Variants in NHSL2 observed in about 807,000 individuals in gnomAD.
The protein encoded by NHSL2 is NHS like 2.
A neutral mutation model predicts 53.4 loss-of-function variants in NHSL2; 27 were observed. The observed-to-expected ratio is 0.51, with a 90% CI of 0.37 to 0.70. NHSL2 has a LOEUF of 0.70. Ranked by LOEUF, NHSL2 falls within the 30% of genes least tolerant of loss-of-function variation. NHSL2 has a pLI of 0.00. For synonymous variants in NHSL2, 408 were observed against 404.1 expected, an observed-to-expected ratio of 1.01 and a Z score of -0.12; for missense variants, 892 against 980.1, an observed-to-expected ratio of 0.91 and a Z score of 1.20.
intron 1 of NHSL2, among the ~76,000 whole-genome samples, chrX:72,028,175 C>T (rs2042195952): frequency 8.9e-6 from 1 of 112,386 alleles, no homozygotes; most frequent in Admixed American, 9.4e-5. Flanking sequence ...GTGCAGTGGG[C>T]CAGGAGCCAC....
intron 1 of NHSL2, among the ~76,000 whole-genome samples, chrX:72,126,105 G>A (rs2042223055): frequency 8.9e-6 from 1 of 112,152 alleles, no homozygotes; most frequent in South Asian, 3.7e-4. Flanking sequence ...GAGATGAAAT[G>A]ATGTTGGCGA....
intron 1 of NHSL2, among the ~76,000 whole-genome samples, chrX:72,087,952 C>G (rs1360096281): frequency 1.8e-5 from 2 of 111,967 alleles, no homozygotes; most frequent in Non-Finnish European, 3.8e-5. Flanking sequence ...CTCCTGTAAT[C>G]CCAGCACTTT....
At chrX:71,940,217 A>G (rs769084496) in intron 1 of NHSL2, among the ~76,000 whole-genome samples, 1 of 112,282 alleles carries the variant, frequency 8.9e-6, no homozygotes, top group Admixed American at 9.4e-5. Flanking sequence ...GCAGTGGCCA[A>G]TGGTTGCAGT....
chrX:71,940,952 T>C (rs1027524771), intron 1 of NHSL2, among the ~76,000 whole-genome samples: 5 of 111,855 alleles, frequency 4.5e-5, no homozygotes, highest in African/African-American at 6.5e-5. Flanking sequence ...GACATTTGGA[T>C]TGATTTAAAC....
At chrX:72,000,001 G>T (rs1411770740) in intron 1 of NHSL2, among the ~76,000 whole-genome samples, 3 of 112,195 alleles carry the variant, frequency 2.7e-5, no homozygotes, top group Non-Finnish European at 5.6e-5. Flanking sequence ...TTATAATAAA[G>T]AGTATTATAT....
chrX:72,105,971 A>C (rs913508790), intron 1 of NHSL2, among the ~76,000 whole-genome samples: 5 of 111,536 alleles, frequency 4.5e-5, no homozygotes, highest in Non-Finnish European at 9.4e-5. Flanking sequence ...GCACTTTGGG[A>C]GGCTGAGGCG....
intron 1 of NHSL2, among the ~76,000 whole-genome samples, chrX:72,119,695 C>A (rs1449246948): frequency 1.8e-5 from 2 of 112,232 alleles, no homozygotes; most frequent in East Asian, 2.8e-4. Context: ...GTCATCTCTG[C>A]AAATATGGGT....
At chrX:72,050,254 A>G (rs1367953032) in intron 1 of NHSL2, among the ~76,000 whole-genome samples, 1 of 111,224 alleles carries the variant, frequency 9.0e-6, no homozygotes, top group Non-Finnish European at 1.9e-5. Flanking sequence ...TTTGACTGAC[A>G]GCCAGCAAAG....
At chrX:72,027,639 C>T (rs2042192483) in intron 1 of NHSL2, 1 of 111,612 alleles carries the variant, frequency 9.0e-6, no homozygotes, top group African/African-American at 3.3e-5. Flanking sequence ...CACCTGGTCC[C>T]TCCTTCAGCT....
At chrX:72,131,796 C>T (rs111377644) in intron 1 of NHSL2, 152,066 of 226,213 alleles carry the variant, frequency 0.67, 40,767 homozygotes, top group Non-Finnish European at 0.81. Context: ...GCACGGGGCC[C>T]GGAGGCGCCA....
Position 72,132,175 on chromosome X carries a change from C to G in NHSL2, c.377C>G (p.Pro126Arg). The G allele has an allele frequency of 8.6e-6, 10 of 1,166,037 alleles. No homozygotes were observed. Among genetic ancestry groups the G allele is most frequent in the Non-Finnish European group, 1.1e-5 (10 of 871,962 alleles). The change falls in exon 2 of 8, where the codon CCC (proline) becomes CGC (arginine). Residue 126 changes from proline (P) to arginine (R), a missense_variant. Physicochemically the swap from Pro to Arg is moderately radical, Grantham distance 103. Coordinates refer to ENST00000633930, the MANE Select transcript of NHSL2 (RefSeq NM_001013627.3). ...PVNVFLSSGR[P>R]PSVEELLREA... Reference sequence around the variant, plus strand: ...AACGTGTTCCTCTCCTCGGGCAGGCCCCCGAGTGTAGAGGAGCTGCTTCGG... The same window carrying G: ...AACGTGTTCCTCTCCTCGGGCAGGCGCCCGAGTGTAGAGGAGCTGCTTCGG...
At chrX:72,055,143 T>C (rs925059458) in intron 1 of NHSL2, among the ~76,000 whole-genome samples, 5 of 111,782 alleles carry the variant, frequency 4.5e-5, no homozygotes, top group African/African-American at 1.3e-4. Context: ...TTTTCACCTC[T>C]CCTCAGCAAC....
intron 1 of NHSL2, among the ~76,000 whole-genome samples, chrX:72,046,326 C>CTCTAAG (rs1355267057): frequency 1.8e-5 from 2 of 112,104 alleles, no homozygotes; most frequent in Non-Finnish European, 3.8e-5. Context: ...AGCCATAAGG[C>CTCTAAG]AGCTCCATAT....
Position 72,029,461 on chromosome X carries a change from G to A in NHSL2, c.281-102618G>A, listed in dbSNP as rs752895428. Among the ~76,000 whole-genome samples, 3 of 112,721 alleles carry A rather than the reference G, an allele frequency of 2.7e-5. No individual in the cohort carries two copies. The Admixed American group carries it at 2.8e-4, about 11-fold the overall frequency. ...ATCTAAAGGGTTATTTGTGAGCCTG[G>A]AAAAGGGATAGGGAATAGGCCATGA... On this transcript the variant is annotated intron_variant, in intron 1 of 7. Coordinates refer to ENST00000633930, the MANE Select transcript of NHSL2 (RefSeq NM_001013627.3).
At chrX:71,919,817 C>T (rs975026523) in intron 1 of NHSL2, among the ~76,000 whole-genome samples, 4 of 111,774 alleles carry the variant, frequency 3.6e-5, no homozygotes, top group Admixed American at 2.8e-4. Context: ...GGCTGGGATG[C>T]CAAGGAGGGA....
intron 1 of NHSL2, among the ~76,000 whole-genome samples, chrX:71,977,271 C>G (rs920112840): frequency 1.8e-5 from 2 of 111,856 alleles, no homozygotes; most frequent in African/African-American, 6.5e-5. Context: ...AATAATAACA[C>G]CTACCTCACA....
chrX:71,979,716 G>T (rs1338795798), intron 1 of NHSL2, among the ~76,000 whole-genome samples: 2 of 111,784 alleles, frequency 1.8e-5, no homozygotes, highest in Non-Finnish European at 3.8e-5. Context: ...TAGGTTGCCT[G>T]TTCACTCTGA....
At chrX:72,052,596 C>T (rs2042347123) in intron 1 of NHSL2, among the ~76,000 whole-genome samples, 1 of 111,700 alleles carries the variant, frequency 9.0e-6, no homozygotes, top group African/African-American at 3.3e-5. Context: ...ACATTGCAGT[C>T]CTCCCCATTC....
intron 1 of NHSL2, among the ~76,000 whole-genome samples, chrX:72,019,307 A>C (rs905704491): frequency 3.9e-4 from 44 of 112,407 alleles, no homozygotes; most frequent in Non-Finnish European, 6.8e-4. Flanking sequence ...TCATTCATTC[A>C]GAAAACACTC....
Sources: gnomAD v4.1 joint callset for allele counts (sites outside exome capture counted in the v4.1 genomes callset) on GRCh38, gnomAD v4.1.1 for gene constraint, MANE v1.5 for transcripts, NCBI Gene and HGNC (gene_info 2026-07-23, HGNC 2026-07-21) for gene names.